The following TRHDE variants were observed in gnomAD, a reference collection of about 807,000 sequenced individuals.
TRHDE encodes the protein thyrotropin releasing hormone degrading enzyme.
A neutral mutation model predicts 125.7 loss-of-function variants in TRHDE; 72 were observed. The observed-to-expected ratio is 0.57, with a 90% CI of 0.47 to 0.70. The LOEUF (loss-of-function observed/expected upper bound fraction) is 0.70. Ranked by LOEUF, TRHDE falls within the 30% of genes least tolerant of loss-of-function variation. TRHDE has a pLI of 0.00. For missense variants in TRHDE, 1,110 were observed against 1,327.1 expected, an observed-to-expected ratio of 0.84 and a Z score of 2.54; for synonymous variants, 509 against 509.1, an observed-to-expected ratio of 1.00 and a Z score of 0.00.
intron 2 of TRHDE, among the ~76,000 whole-genome samples, chr12:72,366,969 G>A (rs1030639291): frequency 1.3e-5 from 2 of 151,976 alleles, no homozygotes; most frequent in African/African-American, 4.8e-5. Context: ...CAGATTCTTC[G>A]TGAGATTCAC....
chr12:72,197,238 G>A (rs1192644325), intron 2 of TRHDE, among the ~76,000 whole-genome samples: 1 of 151,726 alleles, frequency 6.6e-6, no homozygotes, highest in South Asian at 2.1e-4. Flanking sequence ...CTTCCTTCAG[G>A]TCTTTGCTCA....
chr12:72,506,793 A>G (rs886877842), intron 6 of TRHDE, among the ~76,000 whole-genome samples: 1 of 152,164 alleles, frequency 6.6e-6, no homozygotes, highest in African/African-American at 2.4e-5. Context: ...CTGCTATCAG[A>G]GTATTTCCAG....
At chr12:72,238,321 T>TATATAC (rs1878395323) in intron 2 of TRHDE, among the ~76,000 whole-genome samples, 3 of 30,142 alleles carry the variant, frequency 1.0e-4, no homozygotes, top group East Asian at 6.7e-4. Context: ...TATATATATA[T>TATATAC]ACATATATAT....
intron 7 of TRHDE, among the ~76,000 whole-genome samples, chr12:72,547,841 T>C (rs1820543824): frequency 6.6e-6 from 1 of 151,864 alleles, no homozygotes; most frequent in Admixed American, 6.6e-5. Flanking sequence ...AATAGGCAGG[T>C]TGGCAATAAC....
chr12:72,510,087 A>G (rs1878521754), intron 6 of TRHDE, among the ~76,000 whole-genome samples: 1 of 152,058 alleles, frequency 6.6e-6, no homozygotes, highest in African/African-American at 2.4e-5. Flanking sequence ...CCCTTCTGTG[A>G]GCTCAGCTAC....
intron 2 of TRHDE, among the ~76,000 whole-genome samples, chr12:72,325,815 T>G (rs1869314878): frequency 6.6e-6 from 1 of 151,734 alleles, no homozygotes; most frequent in African/African-American, 2.4e-5. Flanking sequence ...AGGTTTGGGG[T>G]TTTTTTTGCT....
At chr12:72,224,126 CTATCTATCTATCTATTTATCTATG>C (rs1878064564) in intron 2 of TRHDE, among the ~76,000 whole-genome samples, 92 of 77,226 alleles carry the variant, frequency 1.2e-3, no homozygotes, top group Admixed American at 1.5e-3. Flanking sequence ...ATCTATCTAT[CTATCTATCTATCTATTTATCTATG>C]TATGTATGTA....
chr12:72,614,330 A>ATATATATATATTTTTTTT (rs531067163), intron 12 of TRHDE, among the ~76,000 whole-genome samples: 3 of 129,860 alleles, frequency 2.3e-5, no homozygotes, highest in African/African-American at 9.2e-5. Context: ...ATATATATAT[A>ATATATATATATTTTTTTT]TTTTTTTTTT....
intron 2 of TRHDE, among the ~76,000 whole-genome samples, chr12:72,318,390 C>T (rs1281886946): frequency 6.6e-6 from 1 of 152,102 alleles, no homozygotes; most frequent in African/African-American, 2.4e-5. Flanking sequence ...AACAGTCACT[C>T]ATATTAGCTG....
At chr12:72,403,541 G>T (rs1391491326) in intron 3 of TRHDE, among the ~76,000 whole-genome samples, 2 of 152,076 alleles carry the variant, frequency 1.3e-5, no homozygotes, top group Non-Finnish European at 2.9e-5. Flanking sequence ...AAAATTAAAA[G>T]CTTGCCTGGG....
intron 2 of TRHDE, among the ~76,000 whole-genome samples, chr12:72,131,128 G>A (rs1046894668): frequency 1.4e-5 from 2 of 139,332 alleles, no homozygotes; most frequent in African/African-American, 5.4e-5. Context: ...CTGGAGTGCA[G>A]TGGCGCGATT....
chr12:72,542,139 C>A, intron 6 of TRHDE, 152 bp from the exon 7 acceptor site: 1 of 479,252 alleles, frequency 2.1e-6, no homozygotes, highest in South Asian at 6.4e-5. Context: ...ATTGTTATCA[C>A]TAAGTTGGAT....
Position 72,521,398 on chromosome 12 carries a change from A to G in TRHDE, c.1723-20893A>G, listed in dbSNP as rs548253858. ...CTCAGAAAAGCGCTATGCCAAGGCT[A>G]TCTTGGAGCTCAGAGACCCTGAGTG... On this transcript the variant is annotated intron_variant, in intron 6 of 18. Transcript: ENST00000261180. Among the ~76,000 whole-genome samples, 14 of 152,298 alleles carry G rather than the reference A, an allele frequency of 9.2e-5. No individual in the cohort carries two copies. The South Asian group carries it at 2.9e-3, about 32-fold the overall frequency.
chr12:72,348,621 A>C (rs1364609986), intron 2 of TRHDE, among the ~76,000 whole-genome samples: 2 of 152,188 alleles, frequency 1.3e-5, no homozygotes, highest in Non-Finnish European at 2.9e-5. Flanking sequence ...TTTCCCAGAT[A>C]GAGTAATTTC....
chr12:72,327,312 G>A (rs1249553385), intron 2 of TRHDE, among the ~76,000 whole-genome samples: 1 of 152,160 alleles, frequency 6.6e-6, no homozygotes, highest in Non-Finnish European at 1.5e-5. Context: ...GCATAGGGGT[G>A]AGACTTGAGG....
At chr12:72,223,682 G>T (rs1878044663) in intron 2 of TRHDE, among the ~76,000 whole-genome samples, 1 of 152,076 alleles carries the variant, frequency 6.6e-6, no homozygotes, top group Non-Finnish European at 1.5e-5. Context: ...GTTGTATATA[G>T]ATTTAAAAGA....
At chr12:72,463,976 G>A (rs1232800804) in intron 3 of TRHDE, among the ~76,000 whole-genome samples, 1 of 152,112 alleles carries the variant, frequency 6.6e-6, no homozygotes, top group Non-Finnish European at 1.5e-5. Flanking sequence ...TGTTCTCAGG[G>A]CAATGGGCCA....
chr12:72,209,326 G>A (rs1322826377), intron 2 of TRHDE, among the ~76,000 whole-genome samples: 1 of 152,216 alleles, frequency 6.6e-6, no homozygotes, highest in African/African-American at 2.4e-5. Flanking sequence ...TGGTGACATG[G>A]TTCCCCAGAG....
chr12:72,242,438 C>T (rs1878500686), intron 2 of TRHDE, among the ~76,000 whole-genome samples: 1 of 152,170 alleles, frequency 6.6e-6, no homozygotes, highest in African/African-American at 2.4e-5. Flanking sequence ...GGGACCACCG[C>T]TCCTCTGCTC....
Sources: allele counts gnomAD v4.1 joint callset (sites outside exome capture counted in the v4.1 genomes callset), GRCh38; gene constraint gnomAD v4.1.1; transcripts MANE v1.5; gene names NCBI Gene and HGNC (gene_info 2026-07-23, HGNC 2026-07-21).